Variants in CLTC observed in about 807,000 individuals in gnomAD.
CLTC encodes the protein clathrin heavy chain 1.
CLTC carries 16 observed loss-of-function variants against 195.8 expected under a neutral mutation model. The ratio of observed to expected loss-of-function variants is 0.08; its 90% CI spans 0.06 to 0.12. The LOEUF (loss-of-function observed/expected upper bound fraction) is 0.12, where lower values mean the gene tolerates loss of function less well. Among genes scored for constraint, CLTC ranks in the 10% least tolerant of loss-of-function variants. CLTC has a pLI of 1.00. For synonymous variants in CLTC, 667 were observed against 689.4 expected (o/e 0.97, Z 0.51); for missense variants, 796 against 2,027.0 (o/e 0.39, Z 11.66).
At chr17:59,678,505 A>G (rs1407927350) in intron 17 of CLTC, among the ~76,000 whole-genome samples, 1 of 152,186 alleles carries the variant, frequency 6.6e-6, no homozygotes, top group Non-Finnish European at 1.5e-5. Flanking sequence ...ATGGGCTACA[A>G]TTCACTACTA....
intron 7 of CLTC, 51 bp downstream of exon 7, chr17:59,660,639 TTC>T (rs2032586288): frequency 6.4e-7 from 1 of 1,556,000 alleles, no homozygotes; most frequent in Non-Finnish European, 8.9e-7. Flanking sequence ...ATTGTTAATA[TTC>T]TGTTTCTTAT....
chr17:59,651,375 C>G, intron 5 of CLTC, 59 bp downstream of exon 5: 1 of 1,101,230 alleles, frequency 9.1e-7, no homozygotes, highest in Non-Finnish European at 1.4e-6. Context: ...GAAATTAACC[C>G]AAAGACTATT....
chr17:59,683,765 A>G lies in CLTC; in HGVS notation c.4323+9A>G. On this transcript the variant is annotated intron_variant, in intron 27 of 31. Transcript: ENST00000269122. The surrounding 1 kb of genome is among the most constrained non-coding windows in gnomAD (Gnocchi z 6.1). The stretch of plus-strand genomic sequence containing the variant: ...TCAATTATTTCAGCAAGGTAAAGTA[A>G]TAATTTTAAACCAAAGCTTCATAGC... 1.2e-6 allele frequency: 2 copies of G among 1,614,158 alleles called. No homozygotes were observed. The highest frequency in any genetic ancestry group is 1.7e-6 in the Non-Finnish European group (2 of 1,180,006).
rs2033436680 is a variant in CLTC, at chr17:59,696,736, T to C, written c.*2884T>C. 1 of 207,208 alleles carries C rather than the reference T, an allele frequency of 4.8e-6. No homozygotes were observed. Among genetic ancestry groups the C allele is most frequent in the Non-Finnish European group, 9.8e-6 (1 of 101,602 alleles). The allele number at this position is 207,208 out of a possible 1,614,324, so 12.8% of individuals were successfully genotyped here. On this transcript the variant is annotated 3_prime_UTR_variant, in exon 32 of 32. Transcript: ENST00000269122. Reference sequence around the variant, plus strand: ...CAGGGATGACAAACTACGTTCACTTTACAGTTACCATAAATTCTTACTTGG... The same window carrying C: ...CAGGGATGACAAACTACGTTCACTTCACAGTTACCATAAATTCTTACTTGG...
chr17:59,651,715 T>C (rs1408540159), intron 5 of CLTC, among the ~76,000 whole-genome samples: 2 of 152,240 alleles, frequency 1.3e-5, no homozygotes, highest in Non-Finnish European at 2.9e-5. Context: ...TTTGAGCCTT[T>C]AGTGAGTTGT....
intron 14 of CLTC, among the ~76,000 whole-genome samples, chr17:59,672,292 TAC>T (rs1339621159): frequency 6.6e-6 from 1 of 152,184 alleles, no homozygotes; most frequent in East Asian, 1.9e-4. Context: ...TCTTTTGGAA[TAC>T]AGTTAGTATT....
Position 59,619,895 on chromosome 17 carries a change from A to C in CLTC, c.-237A>C, listed in dbSNP as rs2031296510. On this transcript the variant is annotated 5_prime_UTR_variant, in exon 1 of 32. Transcript: ENST00000269122. ...TCGCCGGGATCCTTCCGCTGGGCTC[A>C]GCCGTTTCCGGAGTCTGCGCTGCGC... The C allele has an allele frequency of 2.0e-6, 1 of 495,116 alleles. No individual in the cohort carries two copies. The highest frequency in any genetic ancestry group is 3.6e-6 in the Non-Finnish European group (1 of 274,820). The allele number at this position is 495,116 out of a possible 1,614,324, so 30.7% of individuals were successfully genotyped here. A position where few individuals can be genotyped will look rare whatever the true frequency, so the allele number is the denominator to read the frequency against.
chr17:59,634,467 T>A (rs2031808463), intron 1 of CLTC, among the ~76,000 whole-genome samples: 1 of 152,222 alleles, frequency 6.6e-6, no homozygotes, highest in Admixed American at 6.5e-5. Flanking sequence ...GCATTAAATA[T>A]AAAGTTTTTG....
chr17:59,633,758 G>A (rs1276143963), intron 1 of CLTC, among the ~76,000 whole-genome samples: 1 of 152,184 alleles, frequency 6.6e-6, no homozygotes, highest in Non-Finnish European at 1.5e-5. Flanking sequence ...TCGCTGGGAA[G>A]TTGTGTCATA....
chr17:59,673,655 A>G lies in CLTC; in HGVS notation c.2301A>G (p.Lys767=). 6.2e-7 allele frequency: 1 copy of G among 1,610,836 alleles called. No individual in the cohort carries two copies. Among genetic ancestry groups the G allele is most frequent in the Non-Finnish European group, 8.5e-7 (1 of 1,178,280 alleles). The stretch of plus-strand genomic sequence containing the variant: ...GTTTGTCTTTTTTTCAGGAAGCAAA[A>G]CTAACAGATCAGCTACCACTTATCA... The part of the protein sequence containing the change: ...ERVKNFLKEA[K]LTDQLPLIIV... Residue 767 remains lysine, a synonymous_variant, in exon 15 of 32, where the codon AAA becomes AAG. Coordinates refer to ENST00000269122, the MANE Select transcript of CLTC (RefSeq NM_004859.4).
intron 31 of CLTC, 24 bp from the exon 32 acceptor site, chr17:59,693,701 GCTC>G (rs1470398001): frequency 6.2e-7 from 1 of 1,601,944 alleles, no homozygotes; most frequent in Non-Finnish European, 8.5e-7. Flanking sequence ...CCTGCCCCCT[GCTC>G]CTTTTTGTTT....
chr17:59,657,624 C>T (rs188943971), intron 6 of CLTC, among the ~76,000 whole-genome samples: 17 of 151,544 alleles, frequency 1.1e-4, no homozygotes, highest in Admixed American at 8.6e-4. Context: ...AAAAGTTAGC[C>T]GGCTGTGGTG....
At chr17:59,653,852 A>C (rs549741402) in intron 5 of CLTC, among the ~76,000 whole-genome samples, 135 of 151,426 alleles carry the variant, frequency 8.9e-4, no homozygotes, top group African/African-American at 3.3e-3. Flanking sequence ...AGCTCACTGC[A>C]ATCTCTGCCT....
Position 59,687,690 on chromosome 17 carries a change from T to G in CLTC, c.4827+1882T>G, listed in dbSNP as rs12326034. Among the ~76,000 whole-genome samples, 524 of 152,312 alleles carry G rather than the reference T, an allele frequency of 3.4e-3. 5 individuals are homozygous for G. Among genetic ancestry groups the G allele is most frequent in the African/African-American group, 0.012 (503 of 41,570 alleles). ...TTTTAATCATGAGAGCCAAGCTTGC[T>G]ATAATTGTTGCTAAGCAACATGAAT... On this transcript the variant is annotated intron_variant, in intron 30 of 31. Coordinates refer to ENST00000269122, the MANE Select transcript of CLTC (RefSeq NM_004859.4).
In CLTC at chr17:59,666,706, T is replaced by C; in HGVS notation, c.1947+62T>C. 1 of 1,559,518 alleles carries C rather than the reference T, an allele frequency of 6.4e-7. No individual in the cohort carries two copies. The highest frequency in any genetic ancestry group is 1.2e-5 in the South Asian group (1 of 86,196). ...GTGATTAATAGGTACACTGAAAATGTGTTTGTGGTACTAAATATTAATAAT... is the reference window on the plus strand; with the variant it reads ...GTGATTAATAGGTACACTGAAAATGCGTTTGTGGTACTAAATATTAATAAT... On this transcript the variant is annotated intron_variant, in intron 12 of 31. Coordinates refer to ENST00000269122, the MANE Select transcript of CLTC (RefSeq NM_004859.4). This position sits in a 1 kb window ranked among gnomAD's most constrained non-coding sequence, Gnocchi z 4.9.
rs1567954612 is a variant in CLTC at position 59,661,460 on chromosome 17, A to G, written c.1185A>G (p.Pro395=). 1 of 1,613,894 alleles carries G rather than the reference A, an allele frequency of 6.2e-7. No individual in the cohort carries two copies. The highest frequency in any genetic ancestry group is 2.2e-5 in the East Asian group (1 of 44,866). Residue 395 remains proline (P), a synonymous_variant, in exon 8 of 32, where the codon CCA becomes CCG. Coordinates refer to ENST00000269122, the MANE Select transcript of CLTC (RefSeq NM_004859.4). ...ANAPKGILRT[P]DTIRRFQSVP... ...TCTTAAAGGGAATTCTTCGTACTCC[A>G]GACACTATCCGTCGGTTCCAGAGTG...
In CLTC at chr17:59,625,430, T is replaced by A. The variant is rs147059024; in HGVS notation, c.42+5257T>A. Among the ~76,000 whole-genome samples the A allele has an allele frequency of 8.7e-4, 133 of 152,270 alleles. No individual in the cohort carries two copies. In the East Asian group the frequency reaches 0.021, roughly 24 times the overall value. On this transcript the variant is annotated intron_variant, in intron 1 of 31. Coordinates refer to ENST00000269122, the MANE Select transcript of CLTC (RefSeq NM_004859.4). ...GTGAGCCACCGTGCCCGGCTATGTA[T>A]ATTTTGTACTTAGAGCATATATCAA...
In CLTC at chr17:59,681,819, T is replaced by C. The variant is rs1159183000; in HGVS notation, c.3422T>C (p.Val1141Ala). Residue 1141 changes from valine (V) to alanine (A), a missense_variant, in exon 21 of 32, where the codon GTT (valine) becomes GCT (alanine). Transcript: ENST00000269122. This position sits in a 1 kb window ranked among gnomAD's most constrained non-coding sequence, Gnocchi z 5.0. ...ADDPSSYMEV[V>A]QAANTSGNWE... ...GATCCTTCCTCCTACATGGAAGTTG[T>C]TCAGGCTGCCAATACTAGTGGTATG... The C allele has an allele frequency of 6.2e-7, 1 of 1,613,280 alleles. No individual in the cohort carries two copies. Among genetic ancestry groups the C allele is most frequent in the Non-Finnish European group, 8.5e-7 (1 of 1,179,470 alleles).
In CLTC at chr17:59,694,976, T is replaced by C. The variant is rs1283553669; in HGVS notation, c.*1124T>C. 4.6e-6 allele frequency: 1 copy of C among 217,440 alleles called. No individual in the cohort carries two copies. Among genetic ancestry groups the C allele is most frequent in the Non-Finnish European group, 9.3e-6 (1 of 108,014 alleles). The allele number at this position is 217,440 out of a possible 1,614,324, so 13.5% of individuals were successfully genotyped here. On this transcript the variant is annotated 3_prime_UTR_variant, in exon 32 of 32. Coordinates refer to ENST00000269122, the MANE Select transcript of CLTC (RefSeq NM_004859.4). ...CAATAGTCTAAAGAACCAGAGTCAC[T>C]ACTATAGTGGCTTAACATTTAATCT...
Sources: allele counts gnomAD v4.1 joint callset (sites outside exome capture counted in the v4.1 genomes callset), GRCh38; gene constraint gnomAD v4.1.1; non-coding constraint Gnocchi (gnomAD v3.1); transcripts MANE v1.5; gene names NCBI Gene and HGNC (gene_info 2026-07-23, HGNC 2026-07-21).